The following LYPD1 variants were observed in gnomAD, a reference collection of about 807,000 sequenced individuals.
LYPD1 encodes ly6/PLAUR domain-containing protein 1.
In LYPD1, 14 loss-of-function variants were observed where a neutral mutation model predicts 14.2. The observed-to-expected ratio is 0.99, with a 90% CI of 0.65 to 1.54. The LOEUF (loss-of-function observed/expected upper bound fraction) is 1.54, where lower values mean the gene tolerates loss of function less well. Ranked by LOEUF, LYPD1 falls within the 40% of genes most tolerant of loss-of-function variation. The pLI is 0.00. For synonymous variants in LYPD1, 85 were observed against 70.6 expected (o/e 1.20, Z -1.02); for missense variants, 165 against 175.7 (o/e 0.94, Z 0.34).
intron 2 of LYPD1, among the ~76,000 whole-genome samples, chr2:132,648,610 T>C (rs916023476): frequency 5.3e-5 from 8 of 152,244 alleles, no homozygotes; most frequent in Non-Finnish European, 1.2e-4. Context: ...GGATAAATAG[T>C]GCATGTCCTT....
intron 2 of LYPD1, chr2:132,660,503 T>A (rs1387605219): frequency 1.3e-5 from 2 of 152,240 alleles, no homozygotes; most frequent in Admixed American, 6.5e-5. Context: ...AGAATCACGA[T>A]GTAGCCACAA....
chr2:132,643,540 G>C lies in LYPD1; in HGVS notation c.*2505C>G, dbSNP rs7603894. ...ATTTATTTATTGGTTTATTGAGACA[G>C]TTTCACTCTGTCAGCCAGGCTGGAG... On this transcript the variant is annotated 3_prime_UTR_variant, in exon 3 of 3. Coordinates refer to ENST00000397463, the MANE Select transcript of LYPD1 (RefSeq NM_144586.7). 0.59 allele frequency among the ~76,000 whole-genome samples: 89,144 copies of C among 152,080 alleles called. 28,032 individuals are homozygous for C. Among genetic ancestry groups the C allele is most frequent in the African/African-American group, 0.82 (34,133 of 41,496 alleles).
intron 2 of LYPD1, among the ~76,000 whole-genome samples, chr2:132,649,252 T>TACTC (rs1682262742): frequency 6.6e-6 from 1 of 152,200 alleles, no homozygotes. Flanking sequence ...AAAGGCATTT[T>TACTC]ACTCATCTTT....
At chr2:132,652,763 T>G (rs1682406743) in intron 2 of LYPD1, among the ~76,000 whole-genome samples, 1 of 152,178 alleles carries the variant, frequency 6.6e-6, no homozygotes, top group South Asian at 2.1e-4. Flanking sequence ...CCTCTTTAAG[T>G]CTTTAGAGGG....
At chr2:132,655,576 G>A (rs1378893353) in intron 2 of LYPD1, among the ~76,000 whole-genome samples, 3 of 143,608 alleles carry the variant, frequency 2.1e-5, no homozygotes, top group African/African-American at 8.1e-5. Flanking sequence ...GTGCAGTGGC[G>A]CCATCTGGGC....
Position 132,670,010 on chromosome 2 carries a change from CGGCTGTGGCTGCCGAGGCTGCTGG to C in LYPD1, c.-102_-79del. The C allele has an allele frequency of 1.3e-6, 2 of 1,578,878 alleles. No homozygotes were observed. Among genetic ancestry groups the C allele is most frequent in the Non-Finnish European group, 1.7e-6 (2 of 1,169,284 alleles). On this transcript the variant is annotated 5_prime_UTR_variant, in exon 1 of 3. Transcript: ENST00000397463. The surrounding 1 kb of genome is among the most constrained non-coding windows in gnomAD (Gnocchi z 4.5). Reference sequence around the variant, plus strand: ...GCAGCGGAGGCTGCCCCGGCTGCAGCGGCTGTGGCTGCCGAGGCTGCTGGGGCCCGCGCTGCTGCCGCGGAGACG... The same window carrying C: ...GCAGCGGAGGCTGCCCCGGCTGCAGCGGCCCGCGCTGCTGCCGCGGAGACG...
rs559083376 is a variant in LYPD1, at chr2:132,669,958, A to G, written c.-26T>C. The G allele has an allele frequency of 2.7e-4, 442 of 1,610,472 alleles. 12 individuals carry two copies. The South Asian group carries it at 4.6e-3, about 17-fold the overall frequency. ...TCTCCCGGAGTCCCGGGGCCGGGAGAGGGCAAGCGCATCAGAGGAGGCGAC... is the reference window on the plus strand; with the variant it reads ...TCTCCCGGAGTCCCGGGGCCGGGAGGGGGCAAGCGCATCAGAGGAGGCGAC... On this transcript the variant is annotated 5_prime_UTR_variant, in exon 1 of 3. Coordinates refer to ENST00000397463, the MANE Select transcript of LYPD1 (RefSeq NM_144586.7). This position sits in a 1 kb window ranked among gnomAD's most constrained non-coding sequence, Gnocchi z 4.3.
chr2:132,659,265 T>C (rs1198236534), intron 2 of LYPD1, among the ~76,000 whole-genome samples: 4 of 152,192 alleles, frequency 2.6e-5, no homozygotes, highest in African/African-American at 9.6e-5. Context: ...GTTTCTTCAA[T>C]ATACGCAGTC....
rs551407395 is a variant in LYPD1 at position 132,647,739 on chromosome 2, C to A, written c.191-1459G>T. On this transcript the variant is annotated intron_variant, in intron 2 of 2. Coordinates refer to ENST00000397463, the MANE Select transcript of LYPD1 (RefSeq NM_144586.7). ...GGTCTTAATCCTGTTTGCTGCCTTG[C>A]ACAGCTGAGGGATATAGCATCCCAC... Among the ~76,000 whole-genome samples the A allele has an allele frequency of 2.2e-3, 342 of 152,310 alleles. 3 individuals carry two copies. The highest frequency in any genetic ancestry group is 8.7e-3 in the South Asian group (42 of 4,824).
intron 2 of LYPD1, among the ~76,000 whole-genome samples, chr2:132,654,071 TTTCA>T (rs1682455499): frequency 1.3e-5 from 2 of 152,202 alleles, no homozygotes; most frequent in African/African-American, 4.8e-5. Flanking sequence ...CAAAGCATGG[TTTCA>T]TTAACAGTAC....
chr2:132,652,114 C>G (rs1362051724), intron 2 of LYPD1, among the ~76,000 whole-genome samples: 3 of 152,186 alleles, frequency 2.0e-5, no homozygotes, highest in African/African-American at 2.4e-5. Context: ...GGGGGGACAT[C>G]GTTTGGAGAC....
chr2:132,648,279 T>G (rs913830125), intron 2 of LYPD1, among the ~76,000 whole-genome samples: 13 of 106,592 alleles, frequency 1.2e-4, no homozygotes, highest in Non-Finnish European at 3.0e-4. Context: ...AAAAAAATAT[T>G]TACTGAATGT....
intron 2 of LYPD1, chr2:132,667,033 A>C (rs1177883614): frequency 6.6e-6 from 1 of 152,242 alleles, no homozygotes; most frequent in Non-Finnish European, 1.5e-5. Context: ...GAAAGGCAGT[A>C]AATTCTTTGC....
At position 132,669,501 on chromosome 2, in the gene LYPD1, G is replaced by A. The variant is rs73955783; in HGVS notation, c.52+380C>T. 6.6e-6 allele frequency among the ~76,000 whole-genome samples: 1 copy of A among 152,066 alleles called. No homozygotes were observed. Among genetic ancestry groups the A allele is most frequent in the African/African-American group, 2.4e-5 (1 of 41,402 alleles). ...CTGCCTCGCGCATCGCTCACCTGTC[G>A]GCGGCGCCACTCCCACGGGGTGCCG... On this transcript the variant is annotated intron_variant, in intron 1 of 2. Coordinates refer to ENST00000397463, the MANE Select transcript of LYPD1 (RefSeq NM_144586.7). The surrounding 1 kb of genome is among the most constrained non-coding windows in gnomAD (Gnocchi z 4.3).
intron 2 of LYPD1, among the ~76,000 whole-genome samples, chr2:132,649,831 G>T (rs1194766636): frequency 6.6e-6 from 1 of 151,894 alleles, no homozygotes; most frequent in African/African-American, 2.4e-5. Context: ...AAATGTTGGG[G>T]GATAAAAACC....
In LYPD1 at chr2:132,645,287, C is replaced by T. The variant is rs746210788; in HGVS notation, c.*758G>A. 1.2e-6 allele frequency: 2 copies of T among 1,614,220 alleles called. No homozygotes were observed. The highest frequency in any genetic ancestry group is 1.1e-5 in the South Asian group (1 of 91,078). ...AACCCGCTCCTGTACACGGTGTCCTCGCAGCAGTTTCGGCGGGTGTTCGTG... is the reference window on the plus strand; with the variant it reads ...AACCCGCTCCTGTACACGGTGTCCTTGCAGCAGTTTCGGCGGGTGTTCGTG... On this transcript the variant is annotated 3_prime_UTR_variant, in exon 3 of 3. Transcript: ENST00000397463.
Position 132,645,266 on chromosome 2 carries a change from C to T in LYPD1, c.*779G>A, listed in dbSNP as rs201764416. 75 of 1,614,190 alleles carry T rather than the reference C, an allele frequency of 4.6e-5. No homozygotes were observed. The highest frequency in any genetic ancestry group is 5.6e-5 in the Non-Finnish European group (66 of 1,180,036). ...TTCTACCTCAGCTCGGTCATCAACC[C>T]GCTCCTGTACACGGTGTCCTCGCAG... On this transcript the variant is annotated 3_prime_UTR_variant, in exon 3 of 3. Coordinates refer to ENST00000397463, the MANE Select transcript of LYPD1 (RefSeq NM_144586.7).
chr2:132,646,201 T>C lies in LYPD1; in HGVS notation c.270A>G (p.Pro90=). Residue 90 remains proline (P), a synonymous_variant, in exon 3 of 3, where the codon CCA becomes CCG. Coordinates refer to ENST00000397463, the MANE Select transcript of LYPD1 (RefSeq NM_144586.7). ...TGATGCAAACTGAGTTCAGTTTCCC[T>C]GGGGAGCAGAAGGACTGGTACCCGG... ...ASAGYQSFCS[P]GKLNSVCISC... is the part of the protein sequence containing the mutation. 1 of 1,607,462 alleles carries C rather than the reference T, an allele frequency of 6.2e-7. No individual in the cohort carries two copies. The highest frequency in any genetic ancestry group is 2.2e-5 in the East Asian group (1 of 44,646).
intron 2 of LYPD1, among the ~76,000 whole-genome samples, chr2:132,661,548 C>G (rs1682939839): frequency 6.6e-6 from 1 of 152,036 alleles, no homozygotes; most frequent in Non-Finnish European, 1.5e-5. Context: ...ACACATCTAC[C>G]TATGGAATAA....
Sources: gnomAD v4.1 joint callset for allele counts (sites outside exome capture counted in the v4.1 genomes callset) on GRCh38, gnomAD v4.1.1 for gene constraint, Gnocchi (gnomAD v3.1) non-coding constraint, MANE v1.5 for transcripts, NCBI Gene and HGNC (gene_info 2026-07-23, HGNC 2026-07-21) for gene names.